Variants in CLIP4 observed in about 807,000 individuals in gnomAD.
CLIP4 encodes the protein CAP-Gly domain-containing linker protein 4.
CLIP4 carries 47 observed loss-of-function variants against 73.1 expected under a neutral mutation model. The ratio of observed to expected loss-of-function variants is 0.64; its 90% CI spans 0.51 to 0.82. The LOEUF (loss-of-function observed/expected upper bound fraction) is 0.82. CLIP4 is among the 40% of genes least tolerant of loss of function. The pLI is 0.00. For missense variants in CLIP4, 874 were observed against 852.9 expected (o/e 1.02, Z -0.31); for synonymous variants, 306 against 295.4 (o/e 1.04, Z -0.37).
At chr2:29,123,166 C>T (rs528140910) in intron 2 of CLIP4, among the ~76,000 whole-genome samples, 1 of 152,314 alleles carries the variant, frequency 6.6e-6, no homozygotes, top group South Asian at 2.1e-4. Flanking sequence ...AACATTTTAA[C>T]TTAGCCTGAA....
At chr2:29,147,717 CTT>C (rs776608960) in intron 8 of CLIP4, among the ~76,000 whole-genome samples, 1 of 152,026 alleles carries the variant, frequency 6.6e-6, no homozygotes, top group East Asian at 1.9e-4. Context: ...AAAATCCTCT[CTT>C]TTAGCTTTTT....
intron 15 of CLIP4, among the ~76,000 whole-genome samples, chr2:29,176,242 G>T (rs962019669): frequency 6.6e-6 from 1 of 152,186 alleles, no homozygotes. Context: ...TTCTGCCAAG[G>T]GGCCAGAGTT....
At position 29,151,046 on chromosome 2, in the gene CLIP4, C is replaced by T. The variant is rs575987206; in HGVS notation, c.1022-1639C>T. Among the ~76,000 whole-genome samples the T allele has an allele frequency of 7.2e-5, 11 of 152,112 alleles. No individual in the cohort carries two copies. The South Asian group carries it at 1.4e-3, about 20-fold the overall frequency. On this transcript the variant is annotated intron_variant, in intron 8 of 15. Coordinates refer to ENST00000320081, the MANE Select transcript of CLIP4 (RefSeq NM_024692.6). ...TATTGGCAGGCAATTATGTTTTCTC[C>T]TACTTATGAATAATATTACAGTGAT...
intron 2 of CLIP4, among the ~76,000 whole-genome samples, chr2:29,125,625 C>T (rs991407131): frequency 4.6e-5 from 7 of 152,130 alleles, no homozygotes; most frequent in East Asian, 1.9e-4. Flanking sequence ...CTGCCCCACC[C>T]CTGAACTATG....
At chr2:29,130,761 T>A in intron 2 of CLIP4, 4 of 1,276,310 alleles carry the variant, frequency 3.1e-6, no homozygotes, top group Non-Finnish European at 4.1e-6. Context: ...ATGCTGACTC[T>A]AGAAGTAAGA....
In CLIP4 at chr2:29,160,112, ACT is replaced by A. The variant is rs201385974; in HGVS notation, c.1400-218_1400-217del. Among the ~76,000 whole-genome samples the A allele has an allele frequency of 2.4e-3, 364 of 152,160 alleles. 5 individuals are homozygous for A. The East Asian group carries it at 0.052, about 22-fold the overall frequency. ...CCCATGGCAGTAATTTTCCCAGGAA[ACT>A]CTTCACATTTCCTTTGAGCAGCTTG... On this transcript the variant is annotated intron_variant, in intron 11 of 15. Coordinates refer to ENST00000320081, the MANE Select transcript of CLIP4 (RefSeq NM_024692.6).
At chr2:29,164,082 A>C in intron 13 of CLIP4, 128 bp downstream of exon 13, 1 of 791,350 alleles carries the variant, frequency 1.3e-6, no homozygotes, top group South Asian at 2.1e-5. Flanking sequence ...GGGGTTAACC[A>C]ACCACCTTCT....
intron 9 of CLIP4, among the ~76,000 whole-genome samples, chr2:29,154,834 A>G (rs187209168): frequency 1.4e-4 from 22 of 152,264 alleles, no homozygotes; most frequent in African/African-American, 4.3e-4. Context: ...GAGGCTGCGG[A>G]AGCGGAACCC....
Position 29,166,476 on chromosome 2 carries a change from C to T in CLIP4, c.1659-1000C>T, listed in dbSNP as rs72862402. On this transcript the variant is annotated intron_variant, in intron 13 of 15. Coordinates refer to ENST00000320081, the MANE Select transcript of CLIP4 (RefSeq NM_024692.6). ...CTAATATATGAATCAGTCAAAACTT[C>T]TTTAGAGAAACTCTAGGAAAACTCA... is the stretch of plus-strand genomic sequence containing the variant. Among the ~76,000 whole-genome samples, 1,097 of 151,818 alleles carry T rather than the reference C, an allele frequency of 7.2e-3. 22 individuals carry two copies. The highest frequency in any genetic ancestry group is 0.026 in the African/African-American group (1,062 of 41,382).
intron 2 of CLIP4, among the ~76,000 whole-genome samples, chr2:29,125,480 A>G (rs1229253446): frequency 1.3e-5 from 2 of 152,208 alleles, no homozygotes; most frequent in African/African-American, 4.8e-5. Flanking sequence ...CAAGTTCCCC[A>G]GACTCTTAGC....
chr2:29,109,902 A>G (rs1173342052), intron 1 of CLIP4, among the ~76,000 whole-genome samples: 2 of 152,156 alleles, frequency 1.3e-5, no homozygotes, highest in African/African-American at 2.4e-5. Context: ...TACTAAAAAT[A>G]CAAAAATTAG....
rs554215978 is a variant in CLIP4 at position 29,175,785 on chromosome 2, A to G, written c.1796+1340A>G. Among the ~76,000 whole-genome samples the G allele has an allele frequency of 3.3e-5, 5 of 152,206 alleles. No homozygotes were observed. The South Asian group carries it at 8.3e-4, about 25-fold the overall frequency. ...TTTTTAATTTTTTTATTTTTGAGAC[A>G]GAGTCTTGCTCTGTCACCCAGGCTG... On this transcript the variant is annotated intron_variant, in intron 15 of 15. Transcript: ENST00000320081.
intron 1 of CLIP4, among the ~76,000 whole-genome samples, chr2:29,105,346 T>G (rs1256357735): frequency 6.6e-6 from 1 of 152,272 alleles, no homozygotes; most frequent in African/African-American, 2.4e-5. Context: ...TTGCTCCATC[T>G]TACTTCAAAG....
Position 29,183,333 on chromosome 2 carries a change from C to T in CLIP4, c.*1440C>T, listed in dbSNP as rs952432505. 3.9e-5 allele frequency: 6 copies of T among 152,628 alleles called. No individual in the cohort carries two copies. The highest frequency in any genetic ancestry group is 1.4e-4 in the African/African-American group (6 of 41,460). 9.5% of individuals were successfully genotyped at this position (152,628 alleles called of 1,614,324 possible). A position where few individuals can be genotyped will look rare whatever the true frequency, so the allele number is the denominator to read the frequency against. ...TTTAAATCTAAATTCTGTCACTTCGCTGCCTTTTTAAAATAGTGTGGTATT... is the reference window on the plus strand; with the variant it reads ...TTTAAATCTAAATTCTGTCACTTCGTTGCCTTTTTAAAATAGTGTGGTATT... On this transcript the variant is annotated 3_prime_UTR_variant, in exon 16 of 16. Coordinates refer to ENST00000320081, the MANE Select transcript of CLIP4 (RefSeq NM_024692.6).
intron 6 of CLIP4, 58 bp downstream of exon 6, chr2:29,135,724 G>A: frequency 8.0e-7 from 1 of 1,247,456 alleles, no homozygotes; most frequent in Non-Finnish European, 1.1e-6. Flanking sequence ...CTTACTTTCT[G>A]GTAAAATGTT....
chr2:29,123,158 C>T (rs1281574864), intron 2 of CLIP4, among the ~76,000 whole-genome samples: 1 of 152,176 alleles, frequency 6.6e-6, no homozygotes, highest in Non-Finnish European at 1.5e-5. Context: ...ATAGTTTGAA[C>T]ATTTTAACTT....
intron 9 of CLIP4, among the ~76,000 whole-genome samples, chr2:29,154,744 C>T (rs1205426988): frequency 6.6e-6 from 1 of 152,140 alleles, no homozygotes; most frequent in Non-Finnish European, 1.5e-5. Context: ...AGCCTTTGGT[C>T]TCCTTGGTAG....
chr2:29,117,369 C>T (rs1490219223), intron 1 of CLIP4, among the ~76,000 whole-genome samples: 2 of 149,170 alleles, frequency 1.3e-5, no homozygotes, highest in Non-Finnish European at 3.0e-5. Context: ...GACGGAGTCT[C>T]GCTCTGCTCT....
Position 29,144,088 on chromosome 2 carries a change from T to G in CLIP4, c.885+143T>G, listed in dbSNP as rs113385772. ...AGATGCTTAATGGAAAATGTAAAAC[T>G]TAGATATGAATTTACTGTTAAGTTA... On this transcript the variant is annotated intron_variant, in intron 7 of 15. Transcript: ENST00000320081. 1.7e-3 allele frequency: 1,158 copies of G among 700,102 alleles called. 6 individuals carry two copies. The African/African-American group carries it at 0.017, about 10-fold the overall frequency. The allele number at this position is 700,102 out of a possible 1,614,324, so 43.4% of individuals were successfully genotyped here.
Sources: gnomAD v4.1 joint callset for allele counts (sites outside exome capture counted in the v4.1 genomes callset) on GRCh38, gnomAD v4.1.1 for gene constraint, MANE v1.5 for transcripts, NCBI Gene and HGNC (gene_info 2026-07-23, HGNC 2026-07-21) for gene names.